The following LRP1B variants were observed in gnomAD, a reference collection of about 807,000 sequenced individuals.
LRP1B encodes the protein LDL receptor related protein 1B.
Under a neutral mutation model 556.6 loss-of-function variants are expected in LRP1B, and 217 were observed. The ratio of observed to expected loss-of-function variants is 0.39; its 90% CI spans 0.35 to 0.44. LRP1B has a LOEUF of 0.44. LRP1B is among the 20% of genes least tolerant of loss of function. LRP1B has a pLI of 1.00. For synonymous variants in LRP1B, 2,047 were observed against 1,865.8 expected (o/e 1.10, Z -2.50); for missense variants, 5,053 against 5,620.8 (o/e 0.90, Z 3.23).
intron 1 of LRP1B, among the ~76,000 whole-genome samples, chr2:141,862,070 A>G (rs967653724): frequency 2.0e-5 from 3 of 152,210 alleles, no homozygotes; most frequent in Non-Finnish European, 4.4e-5. Flanking sequence ...TCATAAACCA[A>G]TTTTTCAAAT....
chr2:142,026,969 G>A (rs1703528569), intron 1 of LRP1B, among the ~76,000 whole-genome samples: 1 of 151,958 alleles, frequency 6.6e-6, no homozygotes, highest in South Asian at 2.1e-4. Flanking sequence ...TTCTCAAGTT[G>A]ACAGCAAGTA....
chr2:141,411,059 G>C (rs1383549066), intron 3 of LRP1B, among the ~76,000 whole-genome samples: 1 of 151,764 alleles, frequency 6.6e-6, no homozygotes, highest in Middle Eastern at 3.2e-3. Flanking sequence ...TATAGTTTTA[G>C]TGTCCATTCC....
intron 47 of LRP1B, among the ~76,000 whole-genome samples, chr2:140,527,886 T>A (rs1163398690): frequency 1.3e-5 from 2 of 152,002 alleles, no homozygotes; most frequent in Non-Finnish European, 2.9e-5. Flanking sequence ...GCTTATAATC[T>A]CTTTTTAGAA....
intron 25 of LRP1B, among the ~76,000 whole-genome samples, chr2:140,869,036 C>T (rs192799780): frequency 1.3e-5 from 2 of 152,136 alleles, no homozygotes; most frequent in African/African-American, 2.4e-5. Context: ...CCATGTCTTA[C>T]CCACTCTCTC....
intron 41 of LRP1B, among the ~76,000 whole-genome samples, chr2:140,657,012 T>A (rs1365070454): frequency 6.6e-6 from 1 of 152,118 alleles, no homozygotes; most frequent in African/African-American, 2.4e-5. Flanking sequence ...TTTCCTTCTC[T>A]TATTATATTT....
intron 2 of LRP1B, among the ~76,000 whole-genome samples, chr2:141,760,565 AC>A (rs1463074544): frequency 6.6e-6 from 1 of 152,226 alleles, no homozygotes; most frequent in Admixed American, 6.5e-5. Flanking sequence ...ATTTAGTGCA[AC>A]TTATATACAA....
chr2:142,122,734 G>A (rs560568035), intron 1 of LRP1B, among the ~76,000 whole-genome samples: 193 of 152,146 alleles, frequency 1.3e-3, no homozygotes, highest in African/African-American at 4.3e-3. Flanking sequence ...CACTCACGAG[G>A]TGGTGTCATT....
intron 25 of LRP1B, among the ~76,000 whole-genome samples, chr2:140,881,299 C>G (rs1281008227): frequency 2.7e-5 from 4 of 150,866 alleles, no homozygotes; most frequent in African/African-American, 4.9e-5. Flanking sequence ...CTTATTGTTG[C>G]TATGTTTTAA....
At chr2:140,323,434 C>G (rs2105057430) in intron 81 of LRP1B, among the ~76,000 whole-genome samples, 1 of 151,880 alleles carries the variant, frequency 6.6e-6, no homozygotes, top group African/African-American at 2.4e-5. Context: ...GTCAAAATGG[C>G]TAACAATAAA....
intron 7 of LRP1B, among the ~76,000 whole-genome samples, chr2:141,153,626 CTA>C (rs554919523): frequency 3.0e-5 from 4 of 134,872 alleles, no homozygotes; most frequent in African/African-American, 5.5e-5. Context: ...TATATATCAG[CTA>C]TATATATATA....
intron 2 of LRP1B, among the ~76,000 whole-genome samples, chr2:141,808,939 T>G (rs1041468397): frequency 6.6e-6 from 1 of 152,138 alleles, no homozygotes; most frequent in Admixed American, 6.6e-5. Context: ...TTCCTTTTCA[T>G]TACCAAATAA....
chr2:140,950,142 TTC>T (rs77371168), intron 20 of LRP1B, 91 bp downstream of exon 20: 131,503 of 973,606 alleles, frequency 0.14, 11,872 homozygotes, highest in African/African-American at 0.39. Context: ...AATAAGCAAT[TTC>T]TTTTTATACA....
At chr2:141,483,032 A>G (rs1682981262) in intron 2 of LRP1B, among the ~76,000 whole-genome samples, 1 of 152,146 alleles carries the variant, frequency 6.6e-6, no homozygotes, top group Non-Finnish European at 1.5e-5. Flanking sequence ...TTACATATGT[A>G]TACATGTGTC....
intron 19 of LRP1B, among the ~76,000 whole-genome samples, 166 bp downstream of exon 19, chr2:140,951,694 C>T (rs1695719028): frequency 1.3e-5 from 2 of 152,194 alleles, no homozygotes; most frequent in Admixed American, 6.5e-5. Context: ...ATCTTTAATG[C>T]TAATTCCCAC....
chr2:141,370,966 T>C (rs12329242), intron 3 of LRP1B, among the ~76,000 whole-genome samples: 3,977 of 152,206 alleles, frequency 0.026, 177 homozygotes, highest in African/African-American at 0.091. Context: ...ATTATATGGC[T>C]GTATTTCTGA....
chr2:141,065,382 T>C (rs1699451836), intron 7 of LRP1B, among the ~76,000 whole-genome samples: 1 of 151,972 alleles, frequency 6.6e-6, no homozygotes, highest in African/African-American at 2.4e-5. Flanking sequence ...CATTCAAAAT[T>C]TGCCTTTTGA....
At chr2:140,347,940 A>C (rs894684357) in intron 77 of LRP1B, among the ~76,000 whole-genome samples, 5 of 152,070 alleles carry the variant, frequency 3.3e-5, no homozygotes, top group South Asian at 4.1e-4. Flanking sequence ...ACACGTGTTT[A>C]CATGGCACAA....
intron 86 of LRP1B, 140 bp downstream of exon 86, chr2:140,270,102 G>C: frequency 3.2e-6 from 2 of 619,150 alleles, no homozygotes; most frequent in South Asian, 4.1e-5. Flanking sequence ...CACATGAGCT[G>C]ATGAGGGACA....
At chr2:141,979,137 A>T (rs1701971937) in intron 1 of LRP1B, among the ~76,000 whole-genome samples, 1 of 152,114 alleles carries the variant, frequency 6.6e-6, no homozygotes, top group Non-Finnish European at 1.5e-5. Context: ...AATAAGGATG[A>T]ATAAAATTAG....
Sources: gnomAD v4.1 joint callset for allele counts (sites outside exome capture counted in the v4.1 genomes callset) on GRCh38, gnomAD v4.1.1 for gene constraint, MANE v1.5 for transcripts, NCBI Gene and HGNC (gene_info 2026-07-23, HGNC 2026-07-21) for gene names.